Variants in MYO19 observed in about 807,000 individuals in gnomAD.
The protein encoded by MYO19 is unconventional myosin-XIX.
In MYO19, 132 loss-of-function variants were observed where a neutral mutation model predicts 129.2. The observed-to-expected ratio is 1.02, with a 90% CI of 0.89 to 1.18. The LOEUF (loss-of-function observed/expected upper bound fraction) is 1.18, where lower values mean the gene tolerates loss of function less well. Among genes scored for constraint, MYO19 ranks in the 50% most tolerant of loss-of-function variants. The pLI is 0.00. For synonymous variants in MYO19, 531 were observed against 477.2 expected, an observed-to-expected ratio of 1.11 and a Z score of -1.47; for missense variants, 1,210 against 1,216.7, an observed-to-expected ratio of 0.99 and a Z score of 0.08.
intron 13 of MYO19, among the ~76,000 whole-genome samples, chr17:36,510,194 G>A (rs1260638526): frequency 6.6e-6 from 1 of 152,248 alleles, no homozygotes; most frequent in Non-Finnish European, 1.5e-5. Context: ...AACTCAAGGT[G>A]AGAGATCATC....
chr17:36,501,033 TG>T, intron 22 of MYO19, 35 bp downstream of exon 22: 2 of 1,603,034 alleles, frequency 1.2e-6, no homozygotes, highest in Non-Finnish European at 1.7e-6. Context: ...GCACACAGCT[TG>T]CCTCTGTAAC....
At chr17:36,510,192 G>A (rs1336274302) in intron 13 of MYO19, among the ~76,000 whole-genome samples, 8 of 152,336 alleles carry the variant, frequency 5.3e-5, no homozygotes, top group Admixed American at 2.6e-4. Context: ...AGAACTCAAG[G>A]TGAGAGATCA....
chr17:36,512,386 T>C (rs1251040837), intron 11 of MYO19, among the ~76,000 whole-genome samples: 2 of 123,230 alleles, frequency 1.6e-5, no homozygotes, highest in Admixed American at 8.7e-5. Flanking sequence ...TAAAACTCCA[T>C]CTCAAAAAAA....
At position 36,516,911 on chromosome 17, in the gene MYO19, T is replaced by A. The variant is rs2072791027; in HGVS notation, c.415-921A>T. ...GAGATATTTCTATCTTCTGAAAGAC[T>A]TTATGTAGAACTGGTAACATTTCTT... On this transcript the variant is annotated intron_variant, in intron 6 of 25. Transcript: ENST00000614623. Among the ~76,000 whole-genome samples the A allele has an allele frequency of 2.0e-5, 3 of 152,178 alleles. No individual in the cohort carries two copies. In the South Asian group the frequency reaches 6.2e-4, roughly 32 times the overall value.
intron 6 of MYO19, among the ~76,000 whole-genome samples, chr17:36,521,639 G>T (rs567169951): frequency 6.6e-6 from 1 of 152,118 alleles, no homozygotes; most frequent in Non-Finnish European, 1.5e-5. Flanking sequence ...GTGAAGAAAG[G>T]CTATACCACA....
chr17:36,511,408 G>T lies in MYO19; in HGVS notation c.942C>A (p.Ser314=). The change falls in exon 12 of 26, where the codon TCC becomes TCA. Residue 314 remains serine (S), a synonymous_variant. Transcript: ENST00000614623. ...GCTGGCAGGGCTGGGCTTCATCCTC[G>T]GAGGCAGCAAACTGGATATTGCCAA... ...LHLGNIQFAA[S]EDEAQPCQPM... is the part of the protein sequence containing the mutation. The T allele has an allele frequency of 1.3e-6, 2 of 1,574,642 alleles. No individual in the cohort carries two copies. Among genetic ancestry groups the T allele is most frequent in the Admixed American group, 1.8e-5 (1 of 54,076 alleles).
intron 25 of MYO19, 76 bp from the exon 26 acceptor site, chr17:36,496,482 C>T (rs370855930): frequency 6.7e-5 from 97 of 1,450,882 alleles, no homozygotes; most frequent in African/African-American, 5.6e-4. Context: ...ACAGAGCAGA[C>T]GCTAAAAATG....
chr17:36,507,872 C>CAGT lies in MYO19; in HGVS notation c.1283_1284insACT (p.Leu429dup). The CAGT allele has an allele frequency of 2.5e-6, 4 of 1,613,324 alleles. No individual in the cohort carries two copies. The highest frequency in any genetic ancestry group is 3.4e-6 in the Non-Finnish European group (4 of 1,179,472). On this transcript the variant is annotated inframe_insertion, in exon 15 of 26. Coordinates refer to ENST00000614623, the MANE Select transcript of MYO19 (RefSeq NM_001163735.2). ...TCTCATTGGCGTAGTTGATGCACAACTGTTCCAGACTGTTGTCAGGAAATG... is the reference window on the plus strand; with the variant it reads ...TCTCATTGGCGTAGTTGATGCACAACAGTTGTTCCAGACTGTTGTCAGGAAATG...
upstream of MYO19, chr17:36,539,132 G>A (rs1022457955): frequency 6.0e-6 from 1 of 167,134 alleles, no homozygotes; most frequent in African/African-American, 2.4e-5. Context: ...AATGTATTAA[G>A]TAGTATTTTA....
intron 7 of MYO19, 109 bp downstream of exon 7, chr17:36,515,747 TCC>T: frequency 3.2e-6 from 4 of 1,236,412 alleles, no homozygotes; most frequent in Non-Finnish European, 4.5e-6. Context: ...GATACACTCA[TCC>T]TCCACCCCCA....
Position 36,507,112 on chromosome 17 carries a change from C to A in MYO19, c.1495G>T (p.Ala499Ser). ...EECRLNRPSS[A>S]AQLQTRIETA... ...TCAATGCGTGTCTGGAGCTGGGCTG[C>A]GCTGCTGGGTCGATTGAGGCGGCAT... Residue 499 changes from alanine to serine, a missense_variant, in exon 17 of 26, where the codon GCA becomes TCA. By Grantham distance (99) the Ala-to-Ser change is moderately conservative. Transcript: ENST00000614623. 6.2e-7 allele frequency: 1 copy of A among 1,609,284 alleles called. No homozygotes were observed. Among genetic ancestry groups the A allele is most frequent in the Non-Finnish European group, 8.5e-7 (1 of 1,176,414 alleles).
chr17:36,515,030 T>G, intron 8 of MYO19, 83 bp downstream of exon 8: 1 of 1,311,542 alleles, frequency 7.6e-7, no homozygotes, highest in Non-Finnish European at 1.1e-6. Context: ...CCCATAGGGG[T>G]GGCCCAGGCC....
Position 36,512,607 on chromosome 17 carries a change from C to T in MYO19, c.894+822G>A. The T allele has an allele frequency of 3.9e-6, 5 of 1,282,816 alleles. No homozygotes were observed. The South Asian group carries it at 5.0e-5, about 13-fold the overall frequency. 79.5% of individuals were successfully genotyped at this position (1,282,816 alleles called of 1,614,324 possible). ...CTCCTGCCCCGACTCCCAGTGTTGT[C>T]CACTTATCCTGGGCTTGTCCCCAGG... is the stretch of plus-strand genomic sequence containing the variant. On this transcript the variant is annotated intron_variant, in intron 11 of 25. Transcript: ENST00000614623.
chr17:36,537,233 GT>G (rs771853016), upstream of MYO19: 1 of 1,614,112 alleles, frequency 6.2e-7, no homozygotes, highest in Non-Finnish European at 8.5e-7. Flanking sequence ...TTTTCTCACA[GT>G]ACTTGTGTTC....
chr17:36,502,876 T>A, intron 21 of MYO19: 6 of 579,208 alleles, frequency 1.0e-5, no homozygotes, highest in Middle Eastern at 4.5e-4. Flanking sequence ...CCTTCCCCAA[T>A]TCACACCTCC....
Position 36,503,934 on chromosome 17 carries a change from G to T in MYO19, c.1976+16C>A. ...CTGTACTGGCCCTGCACTGTGCCGT[G>T]ATCGAGCCCACTCACCGGATGGGGA... On this transcript the variant is annotated intron_variant, in intron 20 of 25. Coordinates refer to ENST00000614623, the MANE Select transcript of MYO19 (RefSeq NM_001163735.2). 6.3e-7 allele frequency: 1 copy of T among 1,578,448 alleles called. No individual in the cohort carries two copies. Among genetic ancestry groups the T allele is most frequent in the East Asian group, 2.3e-5 (1 of 43,170 alleles).
intron 23 of MYO19, 169 bp downstream of exon 23, chr17:36,500,661 A>G: frequency 1.1e-6 from 1 of 907,472 alleles, no homozygotes; most frequent in Non-Finnish European, 1.6e-6. Flanking sequence ...AACTGGAGAG[A>G]CGTTATGAGT....
intron 5 of MYO19, among the ~76,000 whole-genome samples, chr17:36,527,286 A>G (rs376304628): frequency 2.2e-4 from 34 of 152,320 alleles, no homozygotes; most frequent in African/African-American, 7.7e-4. Context: ...ACAAGAAAAA[A>G]AAATCCTTTC....
Position 36,528,190 on chromosome 17 carries a change from T to G in MYO19, c.25A>C (p.Asn9His). Residue 9 changes from asparagine to histidine, a missense_variant, in exon 4 of 26, where the codon AAT (asparagine) becomes CAT (histidine). By Grantham distance (68) the Asn-to-His change is moderately conservative. Transcript: ENST00000614623. MLQQVNGH[N>H]PGSDGQAREY... ...CTGGCTTGGCCATCAGACCCCGGAT[T>G]GTGGCCATTGACCTGGAAGAGATAA... 6.3e-7 allele frequency: 1 copy of G among 1,583,450 alleles called. No homozygotes were observed. Among genetic ancestry groups the G allele is most frequent in the Non-Finnish European group, 8.6e-7 (1 of 1,163,886 alleles).
Sources: allele counts gnomAD v4.1 joint callset (sites outside exome capture counted in the v4.1 genomes callset), GRCh38; gene constraint gnomAD v4.1.1; transcripts MANE v1.5; gene names NCBI Gene and HGNC (gene_info 2026-07-23, HGNC 2026-07-21).